ZNF566: variants seen among roughly 807,000 people sequenced by gnomAD.
The protein encoded by ZNF566 is zinc finger protein 566.
A neutral mutation model predicts 32.8 loss-of-function variants in ZNF566; 27 were observed. The ratio of observed to expected loss-of-function variants is 0.82; its 90% CI spans 0.61 to 1.14. The LOEUF is 1.14. Among genes scored for constraint, ZNF566 ranks in the 50% most tolerant of loss-of-function variants. The probability of loss-of-function intolerance (pLI) is 0.00; values close to 1 mark genes in which losing one functional copy is unlikely to be tolerated. For synonymous variants in ZNF566, 154 were observed against 159.5 expected (o/e 0.97, Z 0.26); for missense variants, 402 against 490.4 (o/e 0.82, Z 1.70).
chr19:36,473,060 C>T (rs1461279686), intron 3 of ZNF566, 54 bp from the exon 4 acceptor site: 16 of 1,470,804 alleles, frequency 1.1e-5, no homozygotes, highest in Admixed American at 1.8e-5. Flanking sequence ...TCCTAGAATT[C>T]AAATCCAGTC....
intron 4 of ZNF566, among the ~76,000 whole-genome samples, chr19:36,461,103 AG>A (rs2033449385): frequency 2.0e-5 from 3 of 152,266 alleles, no homozygotes; most frequent in Admixed American, 1.3e-4. Flanking sequence ...CCCTTCTCAA[AG>A]GGGTTAAGTG....
At chr19:36,455,571 G>A (rs1032938754) in intron 4 of ZNF566, among the ~76,000 whole-genome samples, 4 of 151,622 alleles carry the variant, frequency 2.6e-5, no homozygotes, top group Non-Finnish European at 4.4e-5. Context: ...GCAACATCCC[G>A]TCTCTACTAA....
intron 4 of ZNF566, among the ~76,000 whole-genome samples, chr19:36,469,464 C>T (rs181181309): frequency 6.6e-5 from 10 of 151,764 alleles, no homozygotes; most frequent in South Asian, 2.1e-4. Context: ...TGCTTGAACC[C>T]GGGAGGTGGA....
chr19:36,462,992 C>CAAAAAAAAA (rs2033515330), intron 4 of ZNF566, among the ~76,000 whole-genome samples: 1 of 90,618 alleles, frequency 1.1e-5, no homozygotes, highest in Non-Finnish European at 2.5e-5. Flanking sequence ...AAAAAAAAAT[C>CAAAAAAAAA]CCATTTCCTG....
intron 3 of ZNF566, 73 bp downstream of exon 3, chr19:36,473,259 G>A: frequency 6.4e-7 from 1 of 1,556,996 alleles, no homozygotes; most frequent in East Asian, 2.2e-5. Context: ...TGAAAGCCAG[G>A]TGAGCATTTC....
intron 1 of ZNF566, among the ~76,000 whole-genome samples, chr19:36,485,144 G>A (rs907847714): frequency 1.3e-5 from 2 of 151,646 alleles, no homozygotes; most frequent in Admixed American, 6.6e-5. Context: ...TCAGGCAAAC[G>A]CAAATTGAAA....
chr19:36,453,801 G>C (rs2033230642), intron 4 of ZNF566, among the ~76,000 whole-genome samples: 2 of 151,892 alleles, frequency 1.3e-5, no homozygotes, highest in African/African-American at 4.8e-5. Context: ...CTGAGTAGCT[G>C]AAACTAGACA....
At chr19:36,453,888 A>G (rs2033233005) in intron 4 of ZNF566, among the ~76,000 whole-genome samples, 1 of 152,046 alleles carries the variant, frequency 6.6e-6, no homozygotes, top group Non-Finnish European at 1.5e-5. Flanking sequence ...CGGTGGCACA[A>G]TCTCGGTTTG....
At chr19:36,486,882 G>T (rs1233843860) in intron 1 of ZNF566, among the ~76,000 whole-genome samples, 1 of 151,488 alleles carries the variant, frequency 6.6e-6, no homozygotes, top group Non-Finnish European at 1.5e-5. Context: ...GATTTTGGGA[G>T]GCTGAGGCGG....
intron 1 of ZNF566, among the ~76,000 whole-genome samples, chr19:36,487,897 CAAAAAA>C (rs201784748): frequency 1.3e-5 from 1 of 75,526 alleles, no homozygotes; most frequent in Non-Finnish European, 2.5e-5. Context: ...GACTCTGTCT[CAAAAAA>C]AAAAAAAAAA....
At chr19:36,487,922 A>C (rs2034210794) in intron 1 of ZNF566, among the ~76,000 whole-genome samples, 1 of 146,166 alleles carries the variant, frequency 6.8e-6, no homozygotes, top group African/African-American at 2.5e-5. Context: ...AAAAAAAAAA[A>C]AGAATGGGTA....
chr19:36,486,692 A>C, intron 1 of ZNF566, among the ~76,000 whole-genome samples: 1 of 149,980 alleles, frequency 6.7e-6, no homozygotes, highest in African/African-American at 2.5e-5. Context: ...AAAAAAAATG[A>C]AAGAAAGAAA....
intron 1 of ZNF566, among the ~76,000 whole-genome samples, chr19:36,485,168 C>T (rs1299555072): frequency 2.0e-5 from 3 of 150,704 alleles, no homozygotes; most frequent in Middle Eastern, 3.4e-3. Flanking sequence ...ATTCTGCAGG[C>T]TGGGTGTGGC....
intron 1 of ZNF566, among the ~76,000 whole-genome samples, chr19:36,477,555 T>TTTTTTTTTC (rs2033925754): frequency 7.3e-6 from 1 of 136,720 alleles, no homozygotes; most frequent in African/African-American, 2.8e-5. Context: ...GTTTGTTTTT[T>TTTTTTTTTC]TGAGACGGAG....
rs757120691 is a variant in ZNF566 at position 36,448,965 on chromosome 19, T to C, written c.*12A>G. On this transcript the variant is annotated 3_prime_UTR_variant, in exon 5 of 5. Transcript: ENST00000452939. ...TAAAAGCCTCCCTACACATTTCATA[T>C]ATTCTGTTTCATCACCAGTACAAAT... The C allele has an allele frequency of 2.6e-5, 41 of 1,552,586 alleles. No homozygotes were observed. The highest frequency in any genetic ancestry group is 3.5e-5 in the Non-Finnish European group (40 of 1,154,450).
chr19:36,476,327 A>C, intron 2 of ZNF566: 1 of 396,974 alleles, frequency 2.5e-6, no homozygotes, highest in Non-Finnish European at 4.5e-6. Context: ...AAAAAGGGTA[A>C]ATTTTCTAAC....
At chr19:36,461,521 T>G (rs1324175266) in intron 4 of ZNF566, among the ~76,000 whole-genome samples, 1 of 151,582 alleles carries the variant, frequency 6.6e-6, no homozygotes, top group Admixed American at 6.6e-5. Context: ...ACAAAAAAAA[T>G]TAGTTAGGCT....
intron 1 of ZNF566, among the ~76,000 whole-genome samples, chr19:36,481,544 T>C (rs1300555262): frequency 6.7e-6 from 1 of 148,414 alleles, no homozygotes; most frequent in Non-Finnish European, 1.5e-5. Flanking sequence ...TGGTGAAAAC[T>C]AAAAAACATG....
intron 1 of ZNF566, among the ~76,000 whole-genome samples, chr19:36,485,925 G>A (rs567416182): frequency 4.0e-5 from 6 of 151,528 alleles, no homozygotes; most frequent in Non-Finnish European, 8.8e-5. Context: ...GTGGTGGTGC[G>A]CTCCTATAGT....
Sources: allele counts gnomAD v4.1 joint callset (sites outside exome capture counted in the v4.1 genomes callset), GRCh38; gene constraint gnomAD v4.1.1; transcripts MANE v1.5; gene names NCBI Gene and HGNC (gene_info 2026-07-23, HGNC 2026-07-21).